Variants in SHOX observed in about 807,000 individuals in gnomAD.
SHOX encodes the protein short stature homeobox protein.
In SHOX, 12 loss-of-function variants were observed where a neutral mutation model predicts 29.6. The observed-to-expected ratio is 0.41, with a 90% CI of 0.26 to 0.66. The LOEUF (loss-of-function observed/expected upper bound fraction) is 0.66. SHOX is among the 30% of genes least tolerant of loss of function. SHOX has a pLI of 0.35. For synonymous variants in SHOX, 214 were observed against 200.6 expected, an observed-to-expected ratio of 1.07 and a Z score of -0.57; for missense variants, 499 against 437.7, an observed-to-expected ratio of 1.14 and a Z score of -1.25.
At chrX:627,881 G>C (rs1014084010), upstream of SHOX, among the ~76,000 whole-genome samples, 2 of 152,172 alleles carry the variant, frequency 1.3e-5, no homozygotes, top group African/African-American at 4.8e-5. Flanking sequence ...AGGGTTTTCG[G>C]TAGGGAGACA....
At chrX:634,592 C>G in intron 1 of SHOX, 26 bp from the exon 2 acceptor site, 1 of 1,611,432 alleles carries the variant, frequency 6.2e-7, no homozygotes. Context: ...CCGGCCTCAG[C>G]CCTGTGCCCT....
rs1012127192 is a variant in SHOX, at chrX:630,887, C to A, written c.-11C>A. 2 of 1,612,664 alleles carry A rather than the reference C, an allele frequency of 1.2e-6. No individual in the cohort carries two copies. The highest frequency in any genetic ancestry group is 1.7e-6 in the Non-Finnish European group (2 of 1,179,814). ...ACCAGCCCCGGCTGCTCGCCAGCCCCGGCCCCAGCCATGGAAGAGCTCACG... is the reference window on the plus strand; with the variant it reads ...ACCAGCCCCGGCTGCTCGCCAGCCCAGGCCCCAGCCATGGAAGAGCTCACG... On this transcript the variant is annotated 5_prime_UTR_variant, in exon 1 of 5. Coordinates refer to ENST00000686671, the MANE Select transcript of SHOX (RefSeq NM_000451.4).
chrX:655,189 C>G (rs1326650292), downstream of SHOX, among the ~76,000 whole-genome samples: 2 of 150,686 alleles, frequency 1.3e-5, no homozygotes, highest in South Asian at 2.1e-4. Context: ...CTCACTGCAA[C>G]CTCCACCTCC....
At chrX:652,966 GT>G (rs1569496329), downstream of SHOX, among the ~76,000 whole-genome samples, 1 of 152,174 alleles carries the variant, frequency 6.6e-6, no homozygotes, top group Non-Finnish European at 1.5e-5. Flanking sequence ...GCCGGGCGCA[GT>G]GTGGCTCTCA....
At chrX:653,111 T>C (rs181964151), downstream of SHOX, among the ~76,000 whole-genome samples, 574 of 152,104 alleles carry the variant, frequency 3.8e-3, 6 homozygotes, top group African/African-American at 0.013. Flanking sequence ...CGTGGTGGTG[T>C]GTATCTGTAA....
chrX:636,260 A>T (rs1256044692), intron 2 of SHOX, among the ~76,000 whole-genome samples: 1 of 144,640 alleles, frequency 6.9e-6, no homozygotes, highest in African/African-American at 2.5e-5. Flanking sequence ...TAATATATAA[A>T]CATAAATATA....
rs753792363 is a variant in SHOX, at chrX:635,451, C to T, written c.486+625C>T. On this transcript the variant is annotated intron_variant, in intron 2 of 4. Coordinates refer to ENST00000686671, the MANE Select transcript of SHOX (RefSeq NM_000451.4). ...GTCTTCTCTTTCCTCCGTTTTTTCA[C>T]CTACCGTTTCTATCTCCCTCCTCCC... Among the ~76,000 whole-genome samples the T allele has an allele frequency of 1.8e-3, 272 of 152,282 alleles. 2 individuals carry two copies. Among genetic ancestry groups the T allele is most frequent in the Middle Eastern group, 3.4e-3 (1 of 294 alleles).
chrX:644,387 G>T lies in SHOX; in HGVS notation c.634-4G>T, dbSNP rs775165213. 1 of 1,519,680 alleles carries T rather than the reference G, an allele frequency of 6.6e-7. No homozygotes were observed. Among genetic ancestry groups the T allele is most frequent in the African/African-American group, 1.4e-5 (1 of 70,476 alleles). 94.1% of individuals were successfully genotyped at this position (1,519,680 alleles called of 1,614,324 possible). ...CCCTCACCCCGCCGGGTCCGCTCCCGCAGGTCCAGGCTCAGCTGCAGCTGG... is the reference window on the plus strand; with the variant it reads ...CCCTCACCCCGCCGGGTCCGCTCCCTCAGGTCCAGGCTCAGCTGCAGCTGG... On this transcript the variant is annotated splice_region_variant and splice_polypyrimidine_tract_variant and intron_variant, in intron 4 of 4. Transcript: ENST00000686671.
In SHOX at chrX:634,838, G is replaced by C. The variant is rs748785733; in HGVS notation, c.486+12G>C. 10 of 1,549,828 alleles carry C rather than the reference G, an allele frequency of 6.5e-6. No individual in the cohort carries two copies. The African/African-American group carries it at 8.2e-5, about 13-fold the overall frequency. On this transcript the variant is annotated intron_variant, in intron 2 of 4. Coordinates refer to ENST00000686671, the MANE Select transcript of SHOX (RefSeq NM_000451.4). ...AGGCGCGCGTGCAGGTAGGAACCCG[G>C]GGGCGGGGGCGGGGGGCCCGGAGCC...
intron 4 of SHOX, among the ~76,000 whole-genome samples, chrX:641,392 T>A (rs2052851013): frequency 6.6e-6 from 1 of 151,978 alleles, no homozygotes; most frequent in Non-Finnish European, 1.5e-5. Flanking sequence ...CGAAACCCTG[T>A]CTATTAAAAA....
intron 4 of SHOX, among the ~76,000 whole-genome samples, chrX:641,659 G>A (rs1377581715): frequency 6.9e-6 from 1 of 144,044 alleles, no homozygotes; most frequent in African/African-American, 2.6e-5. Context: ...CACTCTGGGT[G>A]ACAGAGTGAG....
At chrX:658,725 C>A in intron 5 of SHOX, 1 of 317,418 alleles carries the variant, frequency 3.2e-6, no homozygotes, top group Non-Finnish European at 6.4e-6. Flanking sequence ...CCGCCTCAGC[C>A]TCCCAAAGTG....
chrX:643,024 G>T (rs1171803208), intron 4 of SHOX, among the ~76,000 whole-genome samples: 1 of 144,118 alleles, frequency 6.9e-6, no homozygotes, highest in Non-Finnish European at 1.5e-5. Context: ...TCTGGAAGAG[G>T]CTTGGACACC....
downstream of SHOX, among the ~76,000 whole-genome samples, chrX:654,804 C>T (rs1210297897): frequency 6.6e-6 from 1 of 152,102 alleles, no homozygotes; most frequent in African/African-American, 2.4e-5. Flanking sequence ...CCTGCCCCAG[C>T]CTCCCGAGTA....
downstream of SHOX, among the ~76,000 whole-genome samples, chrX:655,688 A>C: frequency 6.9e-6 from 1 of 144,862 alleles, no homozygotes; most frequent in Admixed American, 7.0e-5. Context: ...TGACCAGCTC[A>C]TCTACTGGTT....
Position 640,985 on chromosome X carries a change from C to T in SHOX, c.545-14C>T, listed in dbSNP as rs376943490. The T allele has an allele frequency of 1.7e-5, 28 of 1,613,720 alleles. No homozygotes were observed. Among genetic ancestry groups the T allele is most frequent in the Non-Finnish European group, 2.2e-5 (26 of 1,179,740 alleles). On this transcript the variant is annotated splice_polypyrimidine_tract_variant and intron_variant, in intron 3 of 4. Transcript: ENST00000686671. ...CAGGACCACCACACTGACACCTGCTCCCTTTGGACACAGGCGTCATCTTGG... is the reference window on the plus strand; with the variant it reads ...CAGGACCACCACACTGACACCTGCTTCCTTTGGACACAGGCGTCATCTTGG...
At position 650,337 on chromosome X, in the gene SHOX, C is replaced by T. The variant is rs182192238; in HGVS notation, c.*5701C>T. Among the ~76,000 whole-genome samples the T allele has an allele frequency of 1.1e-3, 148 of 134,980 alleles. 1 individual carries two copies. The highest frequency in any genetic ancestry group is 1.3e-3 in the Non-Finnish European group (80 of 61,784). 88.6% of individuals were successfully genotyped at this position (134,980 alleles called of 152,430 possible). On this transcript the variant is annotated 3_prime_UTR_variant, in exon 5 of 5. Coordinates refer to ENST00000686671, the MANE Select transcript of SHOX (RefSeq NM_000451.4). ...TCGTAGGAATGGCCTCTCCATCCCG[C>T]CAAAGTCCAGCCAGGCCCCCGAAAT... is the stretch of plus-strand genomic sequence containing the variant.
At chrX:654,701 T>C (rs1472466620), downstream of SHOX, among the ~76,000 whole-genome samples, 1 of 152,166 alleles carries the variant, frequency 6.6e-6, no homozygotes, top group East Asian at 1.9e-4. Flanking sequence ...TTTAATTTTT[T>C]TTGAGACAGA....
At chrX:634,848 C>G in intron 2 of SHOX, 22 bp downstream of exon 2, 4 of 1,535,482 alleles carry the variant, frequency 2.6e-6, no homozygotes, top group Admixed American at 4.0e-5. Context: ...GGGGCGGGGG[C>G]GGGGGGCCCG....
Sources: allele counts gnomAD v4.1 joint callset (sites outside exome capture counted in the v4.1 genomes callset), GRCh38; gene constraint gnomAD v4.1.1; transcripts MANE v1.5; gene names NCBI Gene and HGNC (gene_info 2026-07-23, HGNC 2026-07-21).